ACER3: variants seen among roughly 807,000 people sequenced by gnomAD.
ACER3 encodes alkCDase 3.
Under a neutral mutation model 48.9 loss-of-function variants are expected in ACER3, and 16 were observed. That is an observed-to-expected ratio of 0.33 (90% CI 0.22 to 0.50). ACER3 has a LOEUF of 0.50. Ranked by LOEUF, ACER3 falls within the 20% of genes least tolerant of loss-of-function variation. The probability of loss-of-function intolerance (pLI) is 0.98; values close to 1 mark genes in which losing one functional copy is unlikely to be tolerated. For missense variants in ACER3, 227 were observed against 326.0 expected, an observed-to-expected ratio of 0.70 and a Z score of 2.34; for synonymous variants, 109 against 107.8, an observed-to-expected ratio of 1.01 and a Z score of -0.07.
rs548408998 is a variant in ACER3 at position 76,984,765 on chromosome 11, G to T, written c.321-878G>T. On this transcript the variant is annotated intron_variant, in intron 4 of 10. Coordinates refer to ENST00000532485, the MANE Select transcript of ACER3 (RefSeq NM_018367.7). ...TATTTTCTCCAATAATATTCCTTAGGAATCATTAGTTGCAAGATATAGAAA... is the reference window on the plus strand; with the variant it reads ...TATTTTCTCCAATAATATTCCTTAGTAATCATTAGTTGCAAGATATAGAAA... 2.0e-5 allele frequency among the ~76,000 whole-genome samples: 3 copies of T among 152,250 alleles called. No homozygotes were observed. In the South Asian group the frequency reaches 6.2e-4, roughly 32 times the overall value.
At chr11:76,883,202 T>G (rs1405847179) in intron 1 of ACER3, among the ~76,000 whole-genome samples, 2 of 152,214 alleles carry the variant, frequency 1.3e-5, no homozygotes, top group African/African-American at 4.8e-5. Context: ...ATAATCTCTT[T>G]TTGTATTATC....
At chr11:76,897,865 A>G (rs916156162) in intron 1 of ACER3, among the ~76,000 whole-genome samples, 1 of 152,224 alleles carries the variant, frequency 6.6e-6, no homozygotes, top group Non-Finnish European at 1.5e-5. Context: ...ATCTCAAAAC[A>G]GTCATACAAG....
chr11:76,986,757 TATTTATCCTCGAAG>T (rs1948692686), intron 5 of ACER3, among the ~76,000 whole-genome samples: 1 of 152,158 alleles, frequency 6.6e-6, no homozygotes, highest in South Asian at 2.1e-4. Flanking sequence ...AGAGTTCAAA[TATTTATCCTCGAAG>T]AAGTGTGGAG....
intron 7 of ACER3, among the ~76,000 whole-genome samples, chr11:77,002,531 C>A (rs1565223060): frequency 6.6e-6 from 1 of 152,034 alleles, no homozygotes; most frequent in Non-Finnish European, 1.5e-5. Context: ...TATCTGTATT[C>A]ATGGAGGATA....
intron 1 of ACER3, among the ~76,000 whole-genome samples, chr11:76,878,082 G>A (rs1025617433): frequency 6.6e-6 from 1 of 151,874 alleles, no homozygotes; most frequent in Non-Finnish European, 1.5e-5. Flanking sequence ...TTTAATCATT[G>A]GACATTTTGT....
intron 2 of ACER3, among the ~76,000 whole-genome samples, chr11:76,942,406 T>A (rs1003137637): frequency 1.1e-4 from 16 of 152,084 alleles, no homozygotes; most frequent in African/African-American, 3.9e-4. Flanking sequence ...TTTTTTTGCA[T>A]CTATTGAGAT....
chr11:76,926,885 A>G (rs967863882), intron 2 of ACER3, among the ~76,000 whole-genome samples: 2 of 152,250 alleles, frequency 1.3e-5, no homozygotes, highest in African/African-American at 2.4e-5. Flanking sequence ...ACAAAAAAGA[A>G]TAGAGATAAT....
intron 2 of ACER3, among the ~76,000 whole-genome samples, chr11:76,932,690 G>A (rs1009775106): frequency 6.6e-5 from 10 of 152,100 alleles, no homozygotes; most frequent in Admixed American, 4.6e-4. Context: ...ATAGAACTAC[G>A]TGCAACCCAC....
At chr11:76,881,140 A>C (rs1945514382) in intron 1 of ACER3, among the ~76,000 whole-genome samples, 1 of 151,986 alleles carries the variant, frequency 6.6e-6, no homozygotes, top group Non-Finnish European at 1.5e-5. Flanking sequence ...CTGTAGTCCC[A>C]GCTGCTTGGG....
intron 2 of ACER3, among the ~76,000 whole-genome samples, chr11:76,940,819 T>C (rs1914600): frequency 0.57 from 86,838 of 152,036 alleles, 28,005 homozygotes; most frequent in Non-Finnish European, 0.74. Context: ...TTTTATTCTT[T>C]TGGATTTTCT....
intron 1 of ACER3, among the ~76,000 whole-genome samples, chr11:76,915,258 C>T (rs1946495380): frequency 6.6e-6 from 1 of 151,688 alleles, no homozygotes; most frequent in East Asian, 1.9e-4. Flanking sequence ...AAAAAAGGCC[C>T]TTTTACCTTG....
chr11:76,862,581 A>C (rs1944969434), intron 1 of ACER3, among the ~76,000 whole-genome samples: 1 of 152,202 alleles, frequency 6.6e-6, no homozygotes, highest in Non-Finnish European at 1.5e-5. Context: ...CTGCGCTGGA[A>C]ATGTGTAACA....
Position 76,871,712 on chromosome 11 carries a change from A to G in ACER3, c.103+10633A>G, listed in dbSNP as rs537934841. Among the ~76,000 whole-genome samples the G allele has an allele frequency of 3.9e-5, 6 of 152,184 alleles. No individual in the cohort carries two copies. In the South Asian group the frequency reaches 1.0e-3, roughly 26 times the overall value. ...TCTAAAAGATGCTAGACTCTCAGCT[A>G]CTCTCTTCAGGATCAGAAAACGAGC... On this transcript the variant is annotated intron_variant, in intron 1 of 10. Transcript: ENST00000532485.
rs1386191624 is a variant in ACER3 at position 77,024,986 on chromosome 11, T to C, written c.*4659T>C. 6.6e-6 allele frequency: 1 copy of C among 152,192 alleles called. No individual in the cohort carries two copies. Among genetic ancestry groups the C allele is most frequent in the African/African-American group, 2.4e-5 (1 of 41,442 alleles). 9.4% of individuals were successfully genotyped at this position (152,192 alleles called of 1,614,324 possible). On this transcript the variant is annotated 3_prime_UTR_variant, in exon 11 of 11. Coordinates refer to ENST00000532485, the MANE Select transcript of ACER3 (RefSeq NM_018367.7). ...CCACAGGTCACTGCTCTGCATACAG[T>C]TCCTTTTCAACCCTTACAAGACCTG...
intron 3 of ACER3, among the ~76,000 whole-genome samples, chr11:76,968,147 A>C (rs1473677671): frequency 6.6e-6 from 1 of 151,924 alleles, no homozygotes; most frequent in Non-Finnish European, 1.5e-5. Context: ...ATACACCAAT[A>C]ACAGACAAAC....
In ACER3 at chr11:76,872,734, A is replaced by G. The variant is rs555412669; in HGVS notation, c.103+11655A>G. On this transcript the variant is annotated intron_variant, in intron 1 of 10. Transcript: ENST00000532485. ...CTAATGAACTGTTTTATTATGGTGA[A>G]GATACCTAACATCTATGAAGTGCTT... Among the ~76,000 whole-genome samples the G allele has an allele frequency of 1.3e-4, 20 of 152,296 alleles. 1 individual carries two copies. The South Asian group carries it at 3.7e-3, about 28-fold the overall frequency.
intron 4 of ACER3, 63 bp from the exon 5 acceptor site, chr11:76,985,580 G>T: frequency 9.8e-7 from 1 of 1,024,502 alleles, no homozygotes; most frequent in Non-Finnish European, 1.4e-6. Context: ...TGGTAAAGCA[G>T]CATTCTATTT....
chr11:76,968,026 T>C (rs1948185191), intron 3 of ACER3, among the ~76,000 whole-genome samples: 1 of 152,208 alleles, frequency 6.6e-6, no homozygotes, highest in Non-Finnish European at 1.5e-5. Flanking sequence ...ATGACATGAT[T>C]GTATACCTAG....
Position 76,958,894 on chromosome 11 carries a change from C to G in ACER3, c.215-85C>G, listed in dbSNP as rs1947912726. Reference sequence around the variant, plus strand: ...AAACTTCATTATCCTTAACTCAATGCTTTGAAATGTCTTATTGTCTTCTCA... The same window carrying G: ...AAACTTCATTATCCTTAACTCAATGGTTTGAAATGTCTTATTGTCTTCTCA... On this transcript the variant is annotated intron_variant, in intron 2 of 10. Coordinates refer to ENST00000532485, the MANE Select transcript of ACER3 (RefSeq NM_018367.7). 4 of 1,443,896 alleles carry G rather than the reference C, an allele frequency of 2.8e-6. No homozygotes were observed. In the African/African-American group the frequency reaches 5.6e-5, roughly 20 times the overall value. The allele number at this position is 1,443,896 out of a possible 1,614,324, so 89.4% of individuals were successfully genotyped here. A position where few individuals can be genotyped will look rare whatever the true frequency, so the allele number is the denominator to read the frequency against.
Sources: gnomAD v4.1 joint callset for allele counts (sites outside exome capture counted in the v4.1 genomes callset) on GRCh38, gnomAD v4.1.1 for gene constraint, MANE v1.5 for transcripts, NCBI Gene and HGNC (gene_info 2026-07-23, HGNC 2026-07-21) for gene names.